CLBA1: variants seen among roughly 807,000 people sequenced by gnomAD.
CLBA1 encodes the protein uncharacterized protein CLBA1.
Under a neutral mutation model 28.8 loss-of-function variants are expected in CLBA1, and 30 were observed. That is an observed-to-expected ratio of 1.04 (90% CI 0.78 to 1.41). The LOEUF (loss-of-function observed/expected upper bound fraction) is 1.41, where lower values mean the gene tolerates loss of function less well. Ranked by LOEUF, CLBA1 falls within the 40% of genes most tolerant of loss-of-function variation. The pLI is 0.00. For missense variants in CLBA1, 451 were observed against 412.3 expected, an observed-to-expected ratio of 1.09 and a Z score of -0.81; for synonymous variants, 160 against 152.8, an observed-to-expected ratio of 1.05 and a Z score of -0.35.
In CLBA1 at chr14:104,986,785, G is replaced by C; in HGVS notation, c.354G>C (p.Glu118Asp). Residue 118 changes from glutamate (E) to aspartate (D), a missense_variant, in exon 1 of 5, where the codon GAG becomes GAC. By Grantham distance (45) the Glu-to-Asp change is conservative. Coordinates refer to ENST00000547315, the MANE Select transcript of CLBA1 (RefSeq NM_174891.4). ...CGAGAACCACTTCTGCCCCAAAAGA[G>C]TGCAGTTCTCACCAACCATGCCAGG... ...QPPRTTSAPK[E>D]CSSHQPCQGG... 1 of 1,613,612 alleles carries C rather than the reference G, an allele frequency of 6.2e-7. No homozygotes were observed.
At chr14:104,996,065 G>C (rs572998274), downstream of CLBA1, among the ~76,000 whole-genome samples, 12 of 152,342 alleles carry the variant, frequency 7.9e-5, no homozygotes, top group Non-Finnish European at 1.8e-4. Context: ...TTCGGGTTCA[G>C]ACTGTGCCAT....
intron 4 of CLBA1, chr14:104,994,144 T>C: frequency 1.0e-6 from 1 of 985,458 alleles, no homozygotes; most frequent in Non-Finnish European, 1.2e-6. Context: ...AGGAGGGTTA[T>C]CCTAGAGCAG....
Position 104,995,195 on chromosome 14 carries a change from G to A in CLBA1, c.*436G>A, listed in dbSNP as rs572978239. 6.7e-5 allele frequency: 66 copies of A among 987,418 alleles called. No homozygotes were observed. The African/African-American group carries it at 7.9e-4, about 12-fold the overall frequency. The allele number at this position is 987,418 out of a possible 1,614,324, so 61.2% of individuals were successfully genotyped here. The stretch of plus-strand genomic sequence containing the variant: ...CACCAGAGAGACAGCTGTTGAGACC[G>A]CTCAGAAACCCTCTGTCTGTCACAC... On this transcript the variant is annotated 3_prime_UTR_variant, in exon 5 of 5. Transcript: ENST00000547315.
chr14:104,992,196 C>G lies in CLBA1; in HGVS notation c.699+576C>G, dbSNP rs979795979. 2.7e-5 allele frequency among the ~76,000 whole-genome samples: 4 copies of G among 148,846 alleles called. 1 individual carries two copies. The highest frequency in any genetic ancestry group is 9.9e-5 in the African/African-American group (4 of 40,328). On this transcript the variant is annotated intron_variant, in intron 3 of 4. Transcript: ENST00000547315. Reference sequence around the variant, plus strand: ...ACCATGCACACACTGCCACGGCCACCACTCACACGCCACCACTCACATGCC... The same window carrying G: ...ACCATGCACACACTGCCACGGCCACGACTCACACGCCACCACTCACATGCC...
intron 1 of CLBA1, among the ~76,000 whole-genome samples, chr14:104,987,706 C>T (rs576549115): frequency 2.3e-5 from 3 of 129,572 alleles, no homozygotes; most frequent in South Asian, 2.6e-4. Flanking sequence ...CAACCTCTGT[C>T]TCCTGGGTTC....
At chr14:104,989,241 G>A (rs1899952123) in intron 2 of CLBA1, 153 bp downstream of exon 2, 2 of 711,864 alleles carry the variant, frequency 2.8e-6, no homozygotes, top group South Asian at 1.9e-5. Flanking sequence ...CTATGAGAAG[G>A]GGCAGCACGA....
chr14:104,994,538 C>T (rs1277887879), intron 4 of CLBA1, 60 bp from the exon 5 acceptor site: 1 of 1,535,234 alleles, frequency 6.5e-7, no homozygotes, highest in Non-Finnish European at 8.7e-7. Context: ...GGCAAACGCC[C>T]AAGCTAGCGC....
chr14:104,999,414 A>G, downstream of CLBA1: 1 of 173,528 alleles, frequency 5.8e-6, no homozygotes, highest in Non-Finnish European at 1.1e-5. Context: ...TGCTGGAGAA[A>G]TGTCTGCAGT....
rs71454491 is a variant in CLBA1, at chr14:105,001,067, T to TA, written n.216+8025dup. On this transcript the variant is annotated intron_variant and non_coding_transcript_variant, in intron 2 of 2. Transcript: ENST00000548178. The stretch of plus-strand genomic sequence containing the variant: ...CGCACAATGGGATACTATTCAGCTG[T>TA]AAAAAAAAAAAAAAAAAAAAAATGA... 0.015 allele frequency among the ~76,000 whole-genome samples: 1,868 copies of TA among 126,238 alleles called. 64 individuals carry two copies. The East Asian group carries it at 0.15, about 10-fold the overall frequency. The allele number at this position is 126,238 out of a possible 152,430, so 82.8% of individuals were successfully genotyped here. A position where few individuals can be genotyped will look rare whatever the true frequency, so the allele number is the denominator to read the frequency against.
In CLBA1 at chr14:104,992,994, A is replaced by G. The variant is rs1364637230; in HGVS notation, c.746A>G (p.Lys249Arg). The change falls in exon 4 of 5, where the codon AAA (lysine) becomes AGA (arginine). Residue 249 changes from lysine to arginine, a missense_variant. By Grantham distance (26) the Lys-to-Arg change is conservative. Transcript: ENST00000547315. The stretch of plus-strand genomic sequence containing the variant: ...CACATCATGGAAGATTGTGACCTCA[A>G]AGAGCCTGAAGGACTCCTCACTGTC... ...QGHIMEDCDL[K>R]EPEGLLTVSS... 6.2e-7 allele frequency: 1 copy of G among 1,614,182 alleles called. No homozygotes were observed.
At chr14:104,988,904 T>C (rs776882338) in intron 1 of CLBA1, 39 bp from the exon 2 acceptor site, 1 of 1,552,974 alleles carries the variant, frequency 6.4e-7, no homozygotes, top group Admixed American at 1.9e-5. Context: ...TGTATGTCTT[T>C]CTCCTAACTT....
At chr14:104,998,191 G>A (rs1303043106), downstream of CLBA1, among the ~76,000 whole-genome samples, 1 of 152,026 alleles carries the variant, frequency 6.6e-6, no homozygotes, top group East Asian at 1.9e-4. Flanking sequence ...AGGATTGCTT[G>A]AGGCCGGGAG....
downstream of CLBA1, chr14:104,999,224 C>T (rs1286775400): frequency 2.0e-6 from 2 of 985,416 alleles, no homozygotes. Context: ...TTCCTAGAGG[C>T]CCTGAAGGAA....
At chr14:104,993,197 A>G in intron 4 of CLBA1, 133 bp downstream of exon 4, 2 of 1,508,604 alleles carry the variant, frequency 1.3e-6, no homozygotes, top group South Asian at 1.3e-5. Context: ...CCAGAAAACA[A>G]ACATTTGTGC....
At chr14:104,986,911 C>CCTA in intron 1 of CLBA1, 57 bp downstream of exon 1, 1 of 1,564,166 alleles carries the variant, frequency 6.4e-7, no homozygotes, top group African/African-American at 1.4e-5. Context: ...CACCAAGAGG[C>CCTA]CTACAGCCCT....
intron 3 of CLBA1, among the ~76,000 whole-genome samples, chr14:104,992,342 G>A (rs1342854621): frequency 6.6e-6 from 1 of 152,264 alleles, no homozygotes; most frequent in African/African-American, 2.4e-5. Context: ...CAGTCATAGG[G>A]AGGGCCGCCT....
downstream of CLBA1, among the ~76,000 whole-genome samples, chr14:104,996,293 CAG>C (rs1378966156): frequency 2.0e-5 from 3 of 152,190 alleles, no homozygotes; most frequent in African/African-American, 7.2e-5. Context: ...AGAGGCCCCT[CAG>C]AGTCAGGTAA....
rs914995804 is a variant in CLBA1 at position 104,994,858 on chromosome 14, C to T, written c.*99C>T. ...CTGTCTGTGGAGCTGTTTTCCAGAC[C>T]CCAGGCCCATTCCTGGGATCTCTCC... On this transcript the variant is annotated 3_prime_UTR_variant, in exon 5 of 5. Coordinates refer to ENST00000547315, the MANE Select transcript of CLBA1 (RefSeq NM_174891.4). 6.7e-7 allele frequency: 1 copy of T among 1,492,676 alleles called. No homozygotes were observed. The highest frequency in any genetic ancestry group is 1.4e-5 in the South Asian group (1 of 73,868). The allele number at this position is 1,492,676 out of a possible 1,614,324, so 92.5% of individuals were successfully genotyped here. A position where few individuals can be genotyped will look rare whatever the true frequency, so the allele number is the denominator to read the frequency against.
rs201634836 is a variant in CLBA1, at chr14:104,989,072, C to T, written c.553C>T (p.Arg185Cys). ...CAGTGAAGAAAAACCTGGCGTTGAACGTGTACATAAATTGTGGTAATGAAC... is the reference window on the plus strand; with the variant it reads ...CAGTGAAGAAAAACCTGGCGTTGAATGTGTACATAAATTGTGGTAATGAAC... Reference protein sequence around the residue: ...ISSEEKPGVERVHKLCNESRK... With the variant: ...ISSEEKPGVECVHKLCNESRK... The change falls in exon 2 of 5, where the codon CGT becomes TGT. Residue 185 changes from arginine (R) to cysteine (C), a missense_variant. Transcript: ENST00000547315. 62 of 1,608,284 alleles carry T rather than the reference C, an allele frequency of 3.9e-5. No homozygotes were observed. The highest frequency in any genetic ancestry group is 3.3e-4 in the Middle Eastern group (2 of 6,046).
Sources: allele counts gnomAD v4.1 joint callset (sites outside exome capture counted in the v4.1 genomes callset), GRCh38; gene constraint gnomAD v4.1.1; transcripts MANE v1.5; gene names NCBI Gene and HGNC (gene_info 2026-07-23, HGNC 2026-07-21).